BAIAP2: variants seen among roughly 807,000 people sequenced by gnomAD.
BAIAP2 encodes the protein BAR/IMD domain-containing adapter protein 2.
BAIAP2 carries 18 observed loss-of-function variants against 63.0 expected under a neutral mutation model. The observed-to-expected ratio is 0.29, with a 90% CI of 0.20 to 0.42. BAIAP2 has a LOEUF of 0.42. Ranked by LOEUF, BAIAP2 falls within the 10% of genes least tolerant of loss-of-function variation. BAIAP2 has a pLI of 1.00. For missense variants in BAIAP2, 610 were observed against 734.3 expected (o/e 0.83, Z 1.96); for synonymous variants, 386 against 307.6 (o/e 1.25, Z -2.67).
chr17:81,046,184 G>A lies in BAIAP2; in HGVS notation c.55-7484G>A, dbSNP rs766316950. On this transcript the variant is annotated intron_variant, in intron 1 of 13. Transcript: ENST00000428708. This position sits in a 1 kb window ranked among gnomAD's most constrained non-coding sequence, Gnocchi z 4.5. ...TTGTCACCGTCCCCCTTGGGATCCC[G>A]TTCTGCAGGCTCCAGCCCACCTTCA... Among the ~76,000 whole-genome samples the A allele has an allele frequency of 3.9e-5, 6 of 152,074 alleles. No individual in the cohort carries two copies. Among genetic ancestry groups the A allele is most frequent in the Non-Finnish European group, 7.4e-5 (5 of 67,964 alleles).
intron 1 of BAIAP2, among the ~76,000 whole-genome samples, chr17:81,041,082 C>T (rs2047012700): frequency 1.3e-5 from 2 of 152,252 alleles, no homozygotes; most frequent in African/African-American, 2.4e-5. Context: ...CCCATCTGCC[C>T]CTGGTCTTTT....
At chr17:81,038,742 C>T (rs1191619376) in intron 1 of BAIAP2, among the ~76,000 whole-genome samples, 7 of 152,332 alleles carry the variant, frequency 4.6e-5, no homozygotes, top group East Asian at 1.9e-4. Flanking sequence ...GCTCCGTGCC[C>T]GGCTGCCCGG....
chr17:81,060,698 C>T (rs772037877), intron 3 of BAIAP2, among the ~76,000 whole-genome samples: 2 of 152,188 alleles, frequency 1.3e-5, no homozygotes, highest in Non-Finnish European at 2.9e-5. Flanking sequence ...ATGAAAGCAA[C>T]ACATCCTTGT....
Position 81,057,978 on chromosome 17 carries a change from C to CCA in BAIAP2, c.217+12_217+13insAC. ...GCTCCAAAGAACTCGGTGAGACCCC[C>CCA]CCCCCCCCCCCGCCTGGTAGTCGCC... is the stretch of plus-strand genomic sequence containing the variant. On this transcript the variant is annotated intron_variant, in intron 3 of 13. Transcript: ENST00000428708. 1.3e-6 allele frequency: 1 copy of CCA among 762,748 alleles called. No individual in the cohort carries two copies. Among genetic ancestry groups the CCA allele is most frequent in the Non-Finnish European group, 1.8e-6 (1 of 568,244 alleles). The allele number at this position is 762,748 out of a possible 1,614,324, so 47.2% of individuals were successfully genotyped here. A position where few individuals can be genotyped will look rare whatever the true frequency, so the allele number is the denominator to read the frequency against.
chr17:81,048,626 G>A (rs185302926), intron 1 of BAIAP2, among the ~76,000 whole-genome samples: 4 of 152,258 alleles, frequency 2.6e-5, no homozygotes, highest in Admixed American at 2.0e-4. Context: ...CCAGCAGCTC[G>A]CCAGCCAAAA....
intron 13 of BAIAP2, chr17:81,110,121 C>CT: frequency 1.0e-6 from 1 of 985,462 alleles, no homozygotes; most frequent in African/African-American, 1.7e-5. Flanking sequence ...AGCCTGCCCG[C>CT]TGGTGGGAGC....
intron 3 of BAIAP2, among the ~76,000 whole-genome samples, chr17:81,084,184 C>T (rs1424124237): frequency 6.6e-6 from 1 of 152,168 alleles, no homozygotes; most frequent in South Asian, 2.1e-4. Context: ...GATGGCAAGG[C>T]GAGCCCAGGC....
At position 81,116,272 on chromosome 17, in the gene BAIAP2, G is replaced by A. The variant is rs779514401; in HGVS notation, c.*433G>A. On this transcript the variant is annotated 3_prime_UTR_variant, in exon 14 of 14. Coordinates refer to ENST00000428708, the MANE Select transcript of BAIAP2 (RefSeq NM_001144888.2). ...AAGGGCCAGAAGGCCGGGAGCACGG[G>A]GATGGGAGCGCCCGCACCCTGGCTG... 1.9e-6 allele frequency: 3 copies of A among 1,612,902 alleles called. No homozygotes were observed. Among genetic ancestry groups the A allele is most frequent in the African/African-American group, 2.7e-5 (2 of 75,056 alleles).
Position 81,035,275 on chromosome 17 carries a change from G to T in BAIAP2, c.21G>T (p.Glu7Asp). MSLSRS[E>D]EMHRLTENVY... is the part of the protein sequence containing the mutation. ...GGACCATGTCTCTGTCTCGCTCAGA[G>T]GAGATGCACCGGCTCACGGAAAATG... is the stretch of plus-strand genomic sequence containing the variant. The change falls in exon 1 of 14, where the codon GAG becomes GAT. Residue 7 changes from glutamate (E) to aspartate (D), a missense_variant. By Grantham distance (45) the Glu-to-Asp change is conservative. Transcript: ENST00000428708. The T allele has an allele frequency of 6.6e-7, 1 of 1,520,570 alleles. No individual in the cohort carries two copies. 94.2% of individuals were successfully genotyped at this position (1,520,570 alleles called of 1,614,324 possible). A position where few individuals can be genotyped will look rare whatever the true frequency, so the allele number is the denominator to read the frequency against.
rs139557327 is a variant in BAIAP2 at position 81,102,330 on chromosome 17, G to A, written c.643-1172G>A. On this transcript the variant is annotated intron_variant, in intron 7 of 13. Coordinates refer to ENST00000428708, the MANE Select transcript of BAIAP2 (RefSeq NM_001144888.2). ...TGCCGCTGCGAGGTCGGTGTCCCTC[G>A]GCCGTCTGCCCTAGTGCTGGTCCCT... Among the ~76,000 whole-genome samples the A allele has an allele frequency of 9.4e-3, 1,432 of 152,206 alleles. 25 individuals carry two copies. The highest frequency in any genetic ancestry group is 0.033 in the African/African-American group (1,374 of 41,534).
At chr17:81,075,694 A>G (rs2053548426) in intron 3 of BAIAP2, among the ~76,000 whole-genome samples, 1 of 152,078 alleles carries the variant, frequency 6.6e-6, no homozygotes, top group Admixed American at 6.5e-5. Context: ...TGCTACGCGT[A>G]TCACCACACT....
intron 13 of BAIAP2, among the ~76,000 whole-genome samples, chr17:81,112,994 G>A (rs1384263764): frequency 6.6e-6 from 1 of 152,226 alleles, no homozygotes. Flanking sequence ...GGTGGAGGTT[G>A]CAGTGAGCTA....
At chr17:81,052,327 T>C (rs991084577) in intron 1 of BAIAP2, among the ~76,000 whole-genome samples, 5 of 152,254 alleles carry the variant, frequency 3.3e-5, no homozygotes, top group Non-Finnish European at 7.3e-5. Flanking sequence ...GTTGGCTCTG[T>C]GCGAGCAGGG....
At chr17:81,109,764 G>C in intron 13 of BAIAP2, 1 of 985,468 alleles carries the variant, frequency 1.0e-6, no homozygotes, top group South Asian at 4.7e-5. Flanking sequence ...GGCAGGCGCT[G>C]CCCAGCTGGC....
intron 6 of BAIAP2, among the ~76,000 whole-genome samples, chr17:81,093,681 C>A: frequency 6.6e-6 from 1 of 152,238 alleles, no homozygotes; most frequent in South Asian, 2.1e-4. Context: ...GATCCCCCCT[C>A]CGGCTGCCCC....
rs1423640626 is a variant in BAIAP2, at chr17:81,084,829, C to T, written c.218-3C>T. 1 of 1,613,532 alleles carries T rather than the reference C, an allele frequency of 6.2e-7. No individual in the cohort carries two copies. Among genetic ancestry groups the T allele is most frequent in the Non-Finnish European group, 8.5e-7 (1 of 1,179,994 alleles). On this transcript the variant is annotated splice_polypyrimidine_tract_variant and splice_region_variant and intron_variant, in intron 3 of 13. Transcript: ENST00000428708. ...CCCTTCCTTCTGCTGTTCTGCTTCC[C>T]AGGAGACGTTCTCTTCCAGATGGCT...
rs534145601 is a variant in BAIAP2, at chr17:81,074,578, G to A, written c.218-10254G>A. 2.5e-3 allele frequency among the ~76,000 whole-genome samples: 371 copies of A among 149,738 alleles called. 1 individual carries two copies. Among genetic ancestry groups the A allele is most frequent in the African/African-American group, 8.8e-3 (358 of 40,546 alleles). ...GAGTGCCTGTTCGTGTGCGTGCATGGATGTGTGAGTGCCTGTGTGTGCGTG... is the reference window on the plus strand; with the variant it reads ...GAGTGCCTGTTCGTGTGCGTGCATGAATGTGTGAGTGCCTGTGTGTGCGTG... On this transcript the variant is annotated intron_variant, in intron 3 of 13. Transcript: ENST00000428708.
chr17:81,110,911 C>T (rs376301995), intron 13 of BAIAP2: 12 of 1,613,760 alleles, frequency 7.4e-6, no homozygotes, highest in East Asian at 4.5e-5. Flanking sequence ...TGTTTCCTTG[C>T]AGCGCCGATG....
rs562741687 is a variant in BAIAP2 at position 81,043,603 on chromosome 17, C to G, written c.54+8295C>G. ...CCGGGAGGCCCTGTCACTGCTCACA[C>G]TGGAGCGTCCTGGCACCCGGGAGGC... is the stretch of plus-strand genomic sequence containing the variant. On this transcript the variant is annotated intron_variant, in intron 1 of 13. Transcript: ENST00000428708. Among the ~76,000 whole-genome samples the G allele has an allele frequency of 7.9e-5, 12 of 152,210 alleles. No individual in the cohort carries two copies. In the South Asian group the frequency reaches 1.4e-3, roughly 18 times the overall value.
Sources: gnomAD v4.1 joint callset for allele counts (sites outside exome capture counted in the v4.1 genomes callset) on GRCh38, gnomAD v4.1.1 for gene constraint, Gnocchi (gnomAD v3.1) non-coding constraint, MANE v1.5 for transcripts, NCBI Gene and HGNC (gene_info 2026-07-23, HGNC 2026-07-21) for gene names.